ATP1A4: variants seen among roughly 807,000 people sequenced by gnomAD.
ATP1A4 encodes the protein sodium/potassium-transporting ATPase subunit alpha-4.
Under a neutral mutation model 114.3 loss-of-function variants are expected in ATP1A4, and 90 were observed. The ratio of observed to expected loss-of-function variants is 0.79; its 90% CI spans 0.66 to 0.94. The LOEUF (loss-of-function observed/expected upper bound fraction) is 0.94, where lower values mean the gene tolerates loss of function less well. Ranked by LOEUF, ATP1A4 falls within the 40% of genes least tolerant of loss-of-function variation. ATP1A4 has a pLI of 0.00. For missense variants in ATP1A4, 1,222 were observed against 1,313.6 expected (o/e 0.93, Z 1.08); for synonymous variants, 511 against 494.1 (o/e 1.03, Z -0.45).
chr1:160,163,161 A>G (rs1652916195), intron 6 of ATP1A4, among the ~76,000 whole-genome samples: 1 of 151,802 alleles, frequency 6.6e-6, no homozygotes, highest in South Asian at 2.1e-4. Flanking sequence ...GATGGAAAAA[A>G]CAAGAAACAG....
chr1:160,181,657 T>C (rs79872723), intron 18 of ATP1A4, 27 bp from the exon 19 acceptor site: 54,351 of 1,612,978 alleles, frequency 0.034, 1,149 homozygotes, highest in East Asian at 0.083. Context: ...CTTCTGACAC[T>C]GTTTCCTCTC....
intron 6 of ATP1A4, 40 bp from the exon 7 acceptor site, chr1:160,164,116 T>C: frequency 6.2e-7 from 1 of 1,603,684 alleles, no homozygotes; most frequent in Non-Finnish European, 8.5e-7. Context: ...CTTCTTATCA[T>C]ATCACAACAT....
chr1:160,179,883 A>C (rs1357834445), intron 18 of ATP1A4, among the ~76,000 whole-genome samples: 1 of 152,206 alleles, frequency 6.6e-6, no homozygotes, highest in Non-Finnish European at 1.5e-5. Context: ...CTAGAATACT[A>C]GAGTGAGATG....
intron 14 of ATP1A4, 52 bp downstream of exon 14, chr1:160,174,313 G>A (rs925097488): frequency 5.6e-6 from 9 of 1,611,018 alleles, no homozygotes; most frequent in Non-Finnish European, 7.6e-6. Context: ...CTGTGGCTTA[G>A]CCCCGTCCCA....
chr1:160,184,007 C>T (rs1394529167), intron 20 of ATP1A4, among the ~76,000 whole-genome samples: 1 of 144,690 alleles, frequency 6.9e-6, no homozygotes, highest in Non-Finnish European at 1.5e-5. Context: ...GGCTGGAGTG[C>T]AGTAGCGCAA....
chr1:160,164,039 C>T (rs773391961), intron 6 of ATP1A4, 117 bp from the exon 7 acceptor site: 21 of 1,284,302 alleles, frequency 1.6e-5, no homozygotes, highest in Non-Finnish European at 2.2e-5. Flanking sequence ...ATTCTCCTAG[C>T]ACCCCTATCT....
chr1:160,172,060 A>G (rs1291608605), intron 12 of ATP1A4, among the ~76,000 whole-genome samples: 1 of 152,120 alleles, frequency 6.6e-6, no homozygotes, highest in African/African-American at 2.4e-5. Context: ...TTTCCTGGAG[A>G]TTCCAATGAG....
intron 20 of ATP1A4, 113 bp downstream of exon 20, chr1:160,182,144 G>A (rs1001645048): frequency 7.3e-6 from 6 of 823,546 alleles, no homozygotes; most frequent in Non-Finnish European, 1.3e-5. Context: ...GATACATGGA[G>A]CTACATGTAC....
In ATP1A4 at chr1:160,181,938, T is replaced by C; in HGVS notation, c.2876T>C (p.Val959Ala). 1 of 1,613,974 alleles carries C rather than the reference T, an allele frequency of 6.2e-7. No homozygotes were observed. Among genetic ancestry groups the C allele is most frequent in the Non-Finnish European group, 8.5e-7 (1 of 1,179,950 alleles). Residue 959 changes from valine (V) to alanine (A), a missense_variant, in exon 20 of 22, where the codon GTC becomes GCC. Val to Ala is a moderately conservative substitution (Grantham distance 64, BLOSUM62 0). Transcript: ENST00000368081. ...SLFQQGMRNK[V>A]LIFGILEETL... ...TGAATGTTTCTTCCCAGAAACAAAGTCTTAATATTTGGGATCCTGGAGGAG... is the reference window on the plus strand; with the variant it reads ...TGAATGTTTCTTCCCAGAAACAAAGCCTTAATATTTGGGATCCTGGAGGAG...
chr1:160,180,172 G>A (rs1008620775), intron 18 of ATP1A4, among the ~76,000 whole-genome samples: 3 of 152,138 alleles, frequency 2.0e-5, no homozygotes, highest in African/African-American at 4.8e-5. Flanking sequence ...GGAGTGACGC[G>A]GGTAACGGCA....
chr1:160,181,032 T>C (rs1223561883), intron 18 of ATP1A4, among the ~76,000 whole-genome samples: 2 of 151,994 alleles, frequency 1.3e-5, no homozygotes, highest in Admixed American at 6.6e-5. Context: ...CCTTTCTAAC[T>C]CCACCTTCTT....
chr1:160,153,272 G>T, intron 2 of ATP1A4, 48 bp downstream of exon 2: 1 of 1,543,048 alleles, frequency 6.5e-7, no homozygotes, highest in Non-Finnish European at 8.9e-7. Flanking sequence ...AACTCTGACT[G>T]TGAGGCTGCC....
chr1:160,152,859 A>G (rs1266232923), intron 1 of ATP1A4, among the ~76,000 whole-genome samples: 1 of 152,076 alleles, frequency 6.6e-6, no homozygotes, highest in Non-Finnish European at 1.5e-5. Flanking sequence ...CAACATGGTG[A>G]AACCCCGCCT....
Position 160,174,187 on chromosome 1 carries a change from A to G in ATP1A4, c.2068A>G (p.Asn690Asp). Residue 690 changes from asparagine to aspartate, a missense_variant, in exon 14 of 22, where the codon AAC becomes GAC. By Grantham distance (23) the Asn-to-Asp change is conservative. Coordinates refer to ENST00000368081, the MANE Select transcript of ATP1A4 (RefSeq NM_144699.4). ...QSKQLDQILQNHPEIVFARTS... is the reference protein window; with the variant it reads ...QSKQLDQILQDHPEIVFARTS... Reference sequence around the variant, plus strand: ...CAAGCAGCTTGATCAGATCCTCCAGAACCACCCTGAGATCGTGTTTGCTCG... The same window carrying G: ...CAAGCAGCTTGATCAGATCCTCCAGGACCACCCTGAGATCGTGTTTGCTCG... 2 of 1,614,156 alleles carry G rather than the reference A, an allele frequency of 1.2e-6. No individual in the cohort carries two copies. The highest frequency in any genetic ancestry group is 1.7e-6 in the Non-Finnish European group (2 of 1,180,036).
At chr1:160,181,500 A>G (rs1005876068) in intron 18 of ATP1A4, among the ~76,000 whole-genome samples, 184 bp from the exon 19 acceptor site, 14 of 151,826 alleles carry the variant, frequency 9.2e-5, no homozygotes, top group African/African-American at 3.4e-4. Flanking sequence ...GGTTGCAGTA[A>G]GCAGAGACCA....
chr1:160,180,853 T>C (rs1299244366), intron 18 of ATP1A4, among the ~76,000 whole-genome samples: 3 of 151,984 alleles, frequency 2.0e-5, no homozygotes, highest in East Asian at 1.9e-4. Flanking sequence ...CAGCTGGGAC[T>C]ACAGGCACCC....
At chr1:160,164,475 G>A (rs2101634136) in intron 7 of ATP1A4, 51 bp downstream of exon 7, 7 of 1,593,076 alleles carry the variant, frequency 4.4e-6, no homozygotes, top group Non-Finnish European at 6.0e-6. Context: ...CCACCCCAGG[G>A]AAAAGGGATC....
At chr1:160,176,630 G>C (rs751919516) in intron 17 of ATP1A4, 28 bp downstream of exon 17, 20 of 1,604,974 alleles carry the variant, frequency 1.2e-5, no homozygotes, top group Non-Finnish European at 1.6e-5. Flanking sequence ...AGGGGTGGAG[G>C]GAGCAGGGAG....
chr1:160,151,873 AC>A lies in ATP1A4; in HGVS notation c.-166del. 1.5e-6 allele frequency: 1 copy of A among 686,798 alleles called. No homozygotes were observed. Among genetic ancestry groups the A allele is most frequent in the Non-Finnish European group, 2.3e-6 (1 of 430,200 alleles). The allele number at this position is 686,798 out of a possible 1,614,324, so 42.5% of individuals were successfully genotyped here. A position where few individuals can be genotyped will look rare whatever the true frequency, so the allele number is the denominator to read the frequency against. ...ACTTCCCTTCCTCTCTCTCACCTTC[AC>A]CACCCAACACCTCCCTCCCTGCCTC... On this transcript the variant is annotated 5_prime_UTR_variant, in exon 1 of 22. Coordinates refer to ENST00000368081, the MANE Select transcript of ATP1A4 (RefSeq NM_144699.4).
Sources: allele counts gnomAD v4.1 joint callset (sites outside exome capture counted in the v4.1 genomes callset), GRCh38; gene constraint gnomAD v4.1.1; transcripts MANE v1.5; gene names NCBI Gene and HGNC (gene_info 2026-07-23, HGNC 2026-07-21).